Variants in LRMDA observed in about 807,000 individuals in gnomAD.
LRMDA encodes leucine rich melanocyte differentiation associated.
A neutral mutation model predicts 29.8 loss-of-function variants in LRMDA; 18 were observed. The observed-to-expected ratio is 0.60, with a 90% CI of 0.42 to 0.90. The LOEUF (loss-of-function observed/expected upper bound fraction) is 0.90, where lower values mean the gene tolerates loss of function less well. Among genes scored for constraint, LRMDA ranks in the 40% least tolerant of loss-of-function variants. The pLI, the probability that LRMDA is intolerant of heterozygous loss-of-function variation, is 0.00. For missense variants in LRMDA, 273 were observed against 273.9 expected (o/e 1.00, Z 0.02); for synonymous variants, 125 against 109.4 (o/e 1.14, Z -0.89).
intron 2 of LRMDA, among the ~76,000 whole-genome samples, chr10:75,660,633 T>A (rs1214455270): frequency 1.3e-5 from 2 of 151,682 alleles, no homozygotes; most frequent in Non-Finnish European, 2.9e-5. Flanking sequence ...TCTAGTTATC[T>A]GTAAAAATAA....
At chr10:76,347,045 G>A (rs7922180) in intron 6 of LRMDA, among the ~76,000 whole-genome samples, 16,479 of 152,118 alleles carry the variant, frequency 0.11, 1,048 homozygotes, top group East Asian at 0.32. Flanking sequence ...GGAGATATCT[G>A]GTTAAAAGAA....
intron 2 of LRMDA, among the ~76,000 whole-genome samples, chr10:75,634,035 A>G (rs1416769491): frequency 6.6e-6 from 1 of 152,258 alleles, no homozygotes; most frequent in East Asian, 1.9e-4. Flanking sequence ...GAAATTTATT[A>G]ATATAAACAA....
chr10:75,717,230 C>T (rs368029438), intron 2 of LRMDA, among the ~76,000 whole-genome samples: 4 of 152,244 alleles, frequency 2.6e-5, no homozygotes, highest in African/African-American at 9.6e-5. Context: ...CCCAGGGGCA[C>T]GTTGAGAAGA....
chr10:75,448,399 A>G (rs966928290), intron 2 of LRMDA, among the ~76,000 whole-genome samples: 3 of 152,094 alleles, frequency 2.0e-5, no homozygotes, highest in Admixed American at 1.3e-4. Flanking sequence ...TTCTGAGGAC[A>G]TTATCGTGCA....
chr10:76,288,512 C>CA (rs1840300645), intron 5 of LRMDA, among the ~76,000 whole-genome samples: 1 of 152,052 alleles, frequency 6.6e-6, no homozygotes, highest in Non-Finnish European at 1.5e-5. Context: ...GAAACAAAAG[C>CA]AAAAATTGAC....
At chr10:76,479,686 T>A (rs1458822771) in intron 6 of LRMDA, among the ~76,000 whole-genome samples, 1 of 151,922 alleles carries the variant, frequency 6.6e-6, no homozygotes, top group Non-Finnish European at 1.5e-5. Context: ...TCTGAAATGT[T>A]CAAGAATAGT....
At chr10:75,601,776 C>T (rs950064391) in intron 2 of LRMDA, among the ~76,000 whole-genome samples, 3 of 152,134 alleles carry the variant, frequency 2.0e-5, no homozygotes, top group African/African-American at 7.2e-5. Context: ...ATCTCAACTA[C>T]CCTATGAGCT....
At chr10:76,403,307 ATCT>A (rs1261829932) in intron 6 of LRMDA, 1 of 151,972 alleles carries the variant, frequency 6.6e-6, no homozygotes, top group Non-Finnish European at 1.5e-5. Context: ...CTTCCTCCTC[ATCT>A]TCTTCGCCAA....
chr10:75,867,625 C>T (rs1845042735), intron 2 of LRMDA, among the ~76,000 whole-genome samples: 1 of 152,144 alleles, frequency 6.6e-6, no homozygotes, highest in Non-Finnish European at 1.5e-5. Flanking sequence ...CCAAAGCACC[C>T]AGTGGGAAGG....
At chr10:75,820,276 A>G (rs1280796283) in intron 2 of LRMDA, among the ~76,000 whole-genome samples, 2 of 152,228 alleles carry the variant, frequency 1.3e-5, no homozygotes, top group African/African-American at 2.4e-5. Context: ...GCCTCAATAC[A>G]TTTTAAAAAA....
At chr10:75,866,594 C>A (rs1047215054) in intron 2 of LRMDA, among the ~76,000 whole-genome samples, 8 of 152,182 alleles carry the variant, frequency 5.3e-5, no homozygotes, top group African/African-American at 1.9e-4. Context: ...GTTTTGCCCT[C>A]TTATTAAGAA....
chr10:76,195,378 T>A (rs1276267156), intron 5 of LRMDA, among the ~76,000 whole-genome samples: 1 of 152,216 alleles, frequency 6.6e-6, no homozygotes, highest in African/African-American at 2.4e-5. Context: ...TGACTAGGCA[T>A]AATGTGCCTT....
intron 2 of LRMDA, among the ~76,000 whole-genome samples, chr10:75,499,645 C>T (rs1845089503): frequency 6.6e-6 from 1 of 152,178 alleles, no homozygotes; most frequent in African/African-American, 2.4e-5. Flanking sequence ...TATGATTCTC[C>T]CAGTACCAAA....
intron 6 of LRMDA, among the ~76,000 whole-genome samples, chr10:76,334,172 T>A (rs1331284126): frequency 6.6e-6 from 1 of 152,222 alleles, no homozygotes; most frequent in Admixed American, 6.5e-5. Context: ...GGTGTTTTAT[T>A]TCTGAATCTT....
intron 6 of LRMDA, among the ~76,000 whole-genome samples, chr10:76,326,188 A>G (rs1013243953): frequency 1.3e-5 from 2 of 152,182 alleles, no homozygotes; most frequent in East Asian, 1.9e-4. Flanking sequence ...ACCAATAGAG[A>G]GAAGACCGAA....
chr10:75,654,342 T>C (rs1015716987), intron 2 of LRMDA, among the ~76,000 whole-genome samples: 2 of 152,188 alleles, frequency 1.3e-5, no homozygotes, highest in African/African-American at 4.8e-5. Flanking sequence ...ATAATGCTCA[T>C]CAATCTACTC....
intron 2 of LRMDA, among the ~76,000 whole-genome samples, chr10:76,004,662 G>T (rs981847773): frequency 1.3e-5 from 2 of 152,134 alleles, no homozygotes; most frequent in East Asian, 3.9e-4. Flanking sequence ...CGATAGTGTA[G>T]GGGATTAAGG....
At chr10:75,450,126 C>T (rs980358236) in intron 2 of LRMDA, 4 of 152,060 alleles carry the variant, frequency 2.6e-5, no homozygotes, top group East Asian at 1.9e-4. Flanking sequence ...TCTCCCTGGC[C>T]GAGACTTTTC....
rs969401845 is a variant in LRMDA, at chr10:76,331,639, G to T, written c.601+7154G>T. 7.2e-5 allele frequency among the ~76,000 whole-genome samples: 11 copies of T among 152,364 alleles called. No individual in the cohort carries two copies. In the East Asian group the frequency reaches 1.5e-3, roughly 21 times the overall value. On this transcript the variant is annotated intron_variant, in intron 6 of 6. Coordinates refer to ENST00000611255, the MANE Select transcript of LRMDA (RefSeq NM_001305581.2). ...TCAAATAAGAGTATGGCCTTGGCTT[G>T]TATCTTTTAGACTTCTTGCCACCAC...
Sources: allele counts gnomAD v4.1 joint callset (sites outside exome capture counted in the v4.1 genomes callset), GRCh38; gene constraint gnomAD v4.1.1; transcripts MANE v1.5; gene names NCBI Gene and HGNC (gene_info 2026-07-23, HGNC 2026-07-21).